The following RAB21 variants were observed in gnomAD, a reference collection of about 807,000 sequenced individuals.
RAB21 encodes ras-related protein Rab-21.
RAB21 carries 13 observed loss-of-function variants against 33.1 expected under a neutral mutation model. The ratio of observed to expected loss-of-function variants is 0.39; its 90% CI spans 0.26 to 0.62. The LOEUF (loss-of-function observed/expected upper bound fraction) is 0.62. Ranked by LOEUF, RAB21 falls within the 20% of genes least tolerant of loss-of-function variation. RAB21 has a pLI of 0.48. For synonymous variants in RAB21, 91 were observed against 103.7 expected, an observed-to-expected ratio of 0.88 and a Z score of 0.74; for missense variants, 234 against 279.1, an observed-to-expected ratio of 0.84 and a Z score of 1.15.
chr12:71,768,444 A>G (rs1270581969), intron 1 of RAB21, among the ~76,000 whole-genome samples: 1 of 151,904 alleles, frequency 6.6e-6, no homozygotes, highest in African/African-American at 2.4e-5. Flanking sequence ...TCAGCTCTCT[A>G]TTCCTTTTTT....
intron 1 of RAB21, among the ~76,000 whole-genome samples, chr12:71,769,361 G>A (rs1883007165): frequency 1.3e-5 from 2 of 152,066 alleles, no homozygotes; most frequent in South Asian, 4.1e-4. Context: ...TTGAATATAT[G>A]TTAAACAATT....
rs746838157 is a variant in RAB21, at chr12:71,774,032, A to G, written c.391+10A>G. ...TGTTTATGTATAGTTGGTAAGCATC[A>G]TTACTTTTTTCTAAAAAAAAAGTCC... On this transcript the variant is annotated intron_variant, in intron 4 of 6. Coordinates refer to ENST00000261263, the MANE Select transcript of RAB21 (RefSeq NM_014999.4). 7 of 1,540,640 alleles carry G rather than the reference A, an allele frequency of 4.5e-6. No homozygotes were observed. The highest frequency in any genetic ancestry group is 6.1e-6 in the Non-Finnish European group (7 of 1,141,874).
At chr12:71,763,266 T>G (rs996780769) in intron 1 of RAB21, among the ~76,000 whole-genome samples, 1 of 151,618 alleles carries the variant, frequency 6.6e-6, no homozygotes, top group Non-Finnish European at 1.5e-5. Context: ...AACAGATACC[T>G]TATAATTATC....
rs190561174 is a variant in RAB21, at chr12:71,797,667, A to G, written c.*11994A>G. On this transcript the variant is annotated 3_prime_UTR_variant, in exon 7 of 7. Transcript: ENST00000261263. ...CAAGACTAGCCAGGAAAACTGAAAA[A>G]ACAATGAGGAAAGACTGGCCTTATG... 1 of 151,942 alleles carries G rather than the reference A, an allele frequency of 6.6e-6. No individual in the cohort carries two copies. Among genetic ancestry groups the G allele is most frequent in the African/African-American group, 2.4e-5 (1 of 41,494 alleles). The allele number at this position is 151,942 out of a possible 1,614,324, so 9.4% of individuals were successfully genotyped here. A position where few individuals can be genotyped will look rare whatever the true frequency, so the allele number is the denominator to read the frequency against.
chr12:71,773,883 G>GT (rs776478192), intron 3 of RAB21, 76 bp from the exon 4 acceptor site: 10 of 985,520 alleles, frequency 1.0e-5, no homozygotes, highest in Non-Finnish European at 1.6e-5. Context: ...TTTTGACAGT[G>GT]TTGAGTTTTT....
chr12:71,755,001 G>A lies in RAB21; in HGVS notation c.-129G>A. ...CTTCCAGGCCTCGCCCGAGGAGGGCGTGGGGACAGCGCCCGGGTCGGCGGG... is the reference window on the plus strand; with the variant it reads ...CTTCCAGGCCTCGCCCGAGGAGGGCATGGGGACAGCGCCCGGGTCGGCGGG... On this transcript the variant is annotated 5_prime_UTR_variant, in exon 1 of 7. It adds an upstream start codon to the 5' untranslated region. Coordinates refer to ENST00000261263, the MANE Select transcript of RAB21 (RefSeq NM_014999.4). The A allele has an allele frequency of 1.1e-6, 1 of 896,616 alleles. No homozygotes were observed. Among genetic ancestry groups the A allele is most frequent in the Non-Finnish European group, 1.3e-6 (1 of 744,886 alleles). 55.5% of individuals were successfully genotyped at this position (896,616 alleles called of 1,614,324 possible).
At position 71,797,028 on chromosome 12, in the gene RAB21, A is replaced by G. The variant is rs1883471906; in HGVS notation, c.*11355A>G. 1 of 152,202 alleles carries G rather than the reference A, an allele frequency of 6.6e-6. No homozygotes were observed. Among genetic ancestry groups the G allele is most frequent in the Admixed American group, 6.5e-5 (1 of 15,284 alleles). The allele number at this position is 152,202 out of a possible 1,614,324, so 9.4% of individuals were successfully genotyped here. ...ACATTGAGCAGATTCAGAATTTAAT[A>G]GACACTTCGTGTTTCCATTTTCATA... On this transcript the variant is annotated 3_prime_UTR_variant, in exon 7 of 7. Coordinates refer to ENST00000261263, the MANE Select transcript of RAB21 (RefSeq NM_014999.4).
At chr12:71,760,561 C>T (rs1280240090) in intron 1 of RAB21, among the ~76,000 whole-genome samples, 1 of 152,170 alleles carries the variant, frequency 6.6e-6, no homozygotes, top group Admixed American at 6.5e-5. Context: ...ATATGTCAAA[C>T]ATTGTATTAG....
At chr12:71,785,410 A>G (rs1883269388) in intron 6 of RAB21, 121 bp from the exon 7 acceptor site, 1 of 1,147,608 alleles carries the variant, frequency 8.7e-7, no homozygotes, top group Non-Finnish European at 1.2e-6. Flanking sequence ...AATGTTCATT[A>G]TATTTAGTTT....
intron 2 of RAB21, 84 bp from the exon 3 acceptor site, chr12:71,770,508 C>T (rs530055531): frequency 1.1e-6 from 1 of 924,818 alleles, no homozygotes; most frequent in South Asian, 1.4e-5. Context: ...CCATATTTTC[C>T]AATTAATCAA....
At chr12:71,777,709 C>T (rs889413028) in intron 4 of RAB21, among the ~76,000 whole-genome samples, 7 of 152,140 alleles carry the variant, frequency 4.6e-5, no homozygotes, top group African/African-American at 1.7e-4. Flanking sequence ...CTTAAATTCT[C>T]TAGATCAGCT....
chr12:71,761,591 T>A (rs1284461752), intron 1 of RAB21, among the ~76,000 whole-genome samples: 1 of 152,070 alleles, frequency 6.6e-6, no homozygotes, highest in African/African-American at 2.4e-5. Flanking sequence ...GGAAGGAGAA[T>A]CACTTGAACC....
rs1423621884 is a variant in RAB21 at position 71,787,601 on chromosome 12, T to C, written c.*1928T>C. On this transcript the variant is annotated 3_prime_UTR_variant, in exon 7 of 7. Transcript: ENST00000261263. ...TCAAATGGGTTAAAAGTTGAATGAA[T>C]TGACACCCTGATGTTATGATGTTGG... 3 of 152,188 alleles carry C rather than the reference T, an allele frequency of 2.0e-5. No individual in the cohort carries two copies. The highest frequency in any genetic ancestry group is 7.2e-5 in the African/African-American group (3 of 41,452). The allele number at this position is 152,188 out of a possible 1,614,324, so 9.4% of individuals were successfully genotyped here.
At chr12:71,763,841 C>G (rs1368200045) in intron 1 of RAB21, among the ~76,000 whole-genome samples, 1 of 152,008 alleles carries the variant, frequency 6.6e-6, no homozygotes, top group Non-Finnish European at 1.5e-5. Context: ...GTGTGTATGT[C>G]CTAGAATAGT....
At chr12:71,763,942 A>C (rs186009301) in intron 1 of RAB21, among the ~76,000 whole-genome samples, 2 of 152,124 alleles carry the variant, frequency 1.3e-5, no homozygotes, top group Non-Finnish European at 1.5e-5. Flanking sequence ...TCCGTGAATC[A>C]CTGTATTTTT....
intron 2 of RAB21, among the ~76,000 whole-genome samples, chr12:71,770,341 G>A (rs984408392): frequency 6.6e-6 from 1 of 152,128 alleles, no homozygotes; most frequent in African/African-American, 2.4e-5. Flanking sequence ...AATGGGGGTG[G>A]GGAAGTGCTG....
In RAB21 at chr12:71,797,767, A is replaced by T. The variant is rs1207233581; in HGVS notation, c.*12094A>T. 2.0e-5 allele frequency: 3 copies of T among 151,068 alleles called. No homozygotes were observed. Among genetic ancestry groups the T allele is most frequent in the Non-Finnish European group, 4.4e-5 (3 of 67,996 alleles). The allele number at this position is 151,068 out of a possible 1,614,324, so 9.4% of individuals were successfully genotyped here. ...ATATGACTAGACAGATCATTCAAGCAGAAGGAAAATGAACCCAGATATGGG... is the reference window on the plus strand; with the variant it reads ...ATATGACTAGACAGATCATTCAAGCTGAAGGAAAATGAACCCAGATATGGG... On this transcript the variant is annotated 3_prime_UTR_variant, in exon 7 of 7. Coordinates refer to ENST00000261263, the MANE Select transcript of RAB21 (RefSeq NM_014999.4).
chr12:71,764,961 G>C lies in RAB21; in HGVS notation c.160-4839G>C, dbSNP rs758579022. Among the ~76,000 whole-genome samples the C allele has an allele frequency of 7.0e-4, 107 of 152,102 alleles. 3 individuals carry two copies. Among genetic ancestry groups the C allele is most frequent in the Non-Finnish European group, 2.4e-4 (16 of 68,018 alleles). On this transcript the variant is annotated intron_variant, in intron 1 of 6. Coordinates refer to ENST00000261263, the MANE Select transcript of RAB21 (RefSeq NM_014999.4). The stretch of plus-strand genomic sequence containing the variant: ...CATATGACAACTTCTTTTCCTTTGG[G>C]TAAATACTCAGTAGTGGGATTGCTG...
At chr12:71,759,030 C>T (rs1253445861) in intron 1 of RAB21, among the ~76,000 whole-genome samples, 3 of 152,174 alleles carry the variant, frequency 2.0e-5, no homozygotes, top group Non-Finnish European at 2.9e-5. Context: ...ACATCTTAGT[C>T]TTAATTGCTT....
Sources: gnomAD v4.1 joint callset for allele counts (sites outside exome capture counted in the v4.1 genomes callset) on GRCh38, gnomAD v4.1.1 for gene constraint, MANE v1.5 for transcripts, NCBI Gene and HGNC (gene_info 2026-07-23, HGNC 2026-07-21) for gene names.